The following GAK variants were observed in gnomAD, a reference collection of about 807,000 sequenced individuals.
The protein encoded by GAK is cyclin G associated kinase.
In GAK, 79 loss-of-function variants were observed where a neutral mutation model predicts 143.9. The ratio of observed to expected loss-of-function variants is 0.55; its 90% CI spans 0.46 to 0.66. GAK has a LOEUF of 0.66. Ranked by LOEUF, GAK falls within the 30% of genes least tolerant of loss-of-function variation. The pLI, the probability that GAK is intolerant of heterozygous loss-of-function variation, is 0.00. For synonymous variants in GAK, 881 were observed against 765.5 expected (o/e 1.15, Z -2.49); for missense variants, 1,693 against 1,779.7 (o/e 0.95, Z 0.88).
Position 859,616 on chromosome 4 carries a change from G to A in GAK, c.3273C>T (p.Ser1091=), listed in dbSNP as rs79742312. The A allele has an allele frequency of 8.7e-4, 1,388 of 1,596,978 alleles. 7 individuals are homozygous for A. The African/African-American group carries it at 0.015, about 17-fold the overall frequency. Residue 1091 remains serine, a synonymous_variant, in exon 24 of 28, where the codon TCC becomes TCT. Transcript: ENST00000314167. ...DPFADLGDLS[S]GLQGSPAGFP... ...TGCCCTCCACGTTACCTTGGAGGCC[G>A]GAGCTGAGGTCGCCAAGGTCAGCAA...
At chr4:918,489 T>C (rs1723400332) in intron 1 of GAK, among the ~76,000 whole-genome samples, 1 of 152,244 alleles carries the variant, frequency 6.6e-6, no homozygotes, top group South Asian at 2.1e-4. Context: ...AGATCCACTG[T>C]ACAACACGGT....
rs960634981 is a variant in GAK, at chr4:893,637, A to C, written c.878-148T>G. On this transcript the variant is annotated intron_variant, in intron 8 of 27. Transcript: ENST00000314167. ...GCAAGAAGGGAGCGGCAAAGGGAAG[A>C]ACAAAAACCGAACAAAATGATCAAA... is the stretch of plus-strand genomic sequence containing the variant. 14 of 732,076 alleles carry C rather than the reference A, an allele frequency of 1.9e-5. No individual in the cohort carries two copies. In the African/African-American group the frequency reaches 2.5e-4, roughly 13 times the overall value. The allele number at this position is 732,076 out of a possible 1,614,324, so 45.3% of individuals were successfully genotyped here. A position where few individuals can be genotyped will look rare whatever the true frequency, so the allele number is the denominator to read the frequency against.
At chr4:851,223 A>AGCTACTTGGG in intron 25 of GAK, 139 bp from the exon 26 acceptor site, 1 of 663,016 alleles carries the variant, frequency 1.5e-6, no homozygotes, top group Non-Finnish European at 2.5e-6. Flanking sequence ...TCAGCCTCCC[A>AGCTACTTGGG]AGTAGCTGGG....
In GAK at chr4:906,648, T is replaced by C. The variant is rs139330973; in HGVS notation, c.383-1869A>G. ...TGGCATCATCCCTGGGGCCTCTGCA[T>C]CTTGTGCCCCATCTTTTCAGCCCCG... On this transcript the variant is annotated intron_variant, in intron 4 of 27. Coordinates refer to ENST00000314167, the MANE Select transcript of GAK (RefSeq NM_005255.4). Among the ~76,000 whole-genome samples the C allele has an allele frequency of 3.3e-5, 5 of 152,232 alleles. No homozygotes were observed. The East Asian group carries it at 9.7e-4, about 29-fold the overall frequency.
At chr4:865,691 G>A (rs762973240) in intron 22 of GAK, among the ~76,000 whole-genome samples, 5 of 152,190 alleles carry the variant, frequency 3.3e-5, no homozygotes, top group Non-Finnish European at 7.4e-5. Context: ...GGCGGCACCC[G>A]CCCCAACGCT....
At position 894,078 on chromosome 4, in the gene GAK, A is replaced by C. The variant is rs964745668; in HGVS notation, c.742-69T>G. 3.5e-6 allele frequency: 5 copies of C among 1,441,122 alleles called. No individual in the cohort carries two copies. In the Admixed American group the frequency reaches 1.0e-4, roughly 30 times the overall value. The allele number at this position is 1,441,122 out of a possible 1,614,324, so 89.3% of individuals were successfully genotyped here. A position where few individuals can be genotyped will look rare whatever the true frequency, so the allele number is the denominator to read the frequency against. Reference sequence around the variant, plus strand: ...AGGGGTGACGCCTGGGCCTGCGGGGAGAGCAGGGGTGATGCCCAGGCCCAC... The same window carrying C: ...AGGGGTGACGCCTGGGCCTGCGGGGCGAGCAGGGGTGATGCCCAGGCCCAC... On this transcript the variant is annotated intron_variant, in intron 7 of 27. Transcript: ENST00000314167.
At chr4:907,876 C>T (rs573610223) in intron 4 of GAK, among the ~76,000 whole-genome samples, 45 of 152,274 alleles carry the variant, frequency 3.0e-4, no homozygotes, top group East Asian at 3.9e-4. Context: ...TGAGCTGGCG[C>T]GCGCATGCGT....
rs775341149 is a variant in GAK at position 867,374 on chromosome 4, G to A, written c.2454C>T (p.Ala818=). 6.3e-7 allele frequency: 1 copy of A among 1,585,188 alleles called. No individual in the cohort carries two copies. The highest frequency in any genetic ancestry group is 1.1e-5 in the South Asian group (1 of 87,450). Residue 818 remains alanine, a synonymous_variant, in exon 21 of 28, where the codon GCC becomes GCT. Coordinates refer to ENST00000314167, the MANE Select transcript of GAK (RefSeq NM_005255.4). ...CACTCTCGTCTCTGTCCTCCATCAGGGCAGACTCGCTCTCCTTGGAAGAGG... is the reference window on the plus strand; with the variant it reads ...CACTCTCGTCTCTGTCCTCCATCAGAGCAGACTCGCTCTCCTTGGAAGAGG... The part of the protein sequence containing the change: ...ENASSKESES[A]LMEDRDESEV...
At chr4:920,538 C>CTTTTTTTTTTTTTT (rs1560440258) in intron 1 of GAK, among the ~76,000 whole-genome samples, 3 of 73,812 alleles carry the variant, frequency 4.1e-5, no homozygotes, top group East Asian at 6.1e-4. Flanking sequence ...GGTTTAGAGC[C>CTTTTTTTTTTTTTT]ATTTTTTTTT....
intron 24 of GAK, among the ~76,000 whole-genome samples, chr4:856,562 G>A (rs1174270932): frequency 7.5e-6 from 1 of 133,658 alleles, no homozygotes; most frequent in Non-Finnish European, 1.6e-5. Context: ...CACCACCACA[G>A]CTGCTCACCA....
intron 18 of GAK, 139 bp from the exon 19 acceptor site, chr4:871,043 C>A (rs1489301645): frequency 2.7e-6 from 2 of 728,034 alleles, no homozygotes; most frequent in Non-Finnish European, 4.3e-6. Context: ...AGCCGGCCAC[C>A]CCCGCCTGCG....
intron 15 of GAK, 29 bp downstream of exon 15, chr4:881,878 T>C: frequency 1.3e-6 from 2 of 1,548,854 alleles, no homozygotes; most frequent in Non-Finnish European, 1.8e-6. Context: ...CACAGAGCTG[T>C]CCCCTGTCCC....
chr4:881,514 G>A (rs1715096794), intron 15 of GAK, among the ~76,000 whole-genome samples: 1 of 152,244 alleles, frequency 6.6e-6, no homozygotes, highest in Non-Finnish European at 1.5e-5. Flanking sequence ...GTATTTGGCA[G>A]GGCCCTAAAC....
At chr4:868,758 G>C (rs1711624441) in intron 19 of GAK, 73 bp from the exon 20 acceptor site, 2 of 1,475,466 alleles carry the variant, frequency 1.4e-6, no homozygotes, top group Admixed American at 4.3e-5. Context: ...CCCAGAGCTG[G>C]GAAGTGCAGC....
At chr4:849,843 C>CG in intron 27 of GAK, 49 bp downstream of exon 27, 2 of 1,266,332 alleles carry the variant, frequency 1.6e-6, no homozygotes, top group Non-Finnish European at 2.2e-6. Context: ...GACCCCCCCC[C>CG]CGCCCCGCCC....
At chr4:865,338 G>T in intron 22 of GAK, 94 bp from the exon 23 acceptor site, 1 of 1,517,700 alleles carries the variant, frequency 6.6e-7, no homozygotes, top group Non-Finnish European at 9.0e-7. Context: ...CCCTAGGAGC[G>T]GACACCTCTT....
chr4:882,175 A>G (rs541912845), intron 14 of GAK, 135 bp from the exon 15 acceptor site: 2 of 985,944 alleles, frequency 2.0e-6, no homozygotes, highest in Non-Finnish European at 2.9e-6. Flanking sequence ...GGATATGTTT[A>G]GGGAGCTACA....
chr4:908,260 G>A (rs1721430172), intron 4 of GAK, among the ~76,000 whole-genome samples: 1 of 152,176 alleles, frequency 6.6e-6, no homozygotes, highest in African/African-American at 2.4e-5. Flanking sequence ...CACACAGCAG[G>A]CAGGCTGCAG....
chr4:877,528 T>A, intron 16 of GAK, 87 bp downstream of exon 16: 1 of 1,374,288 alleles, frequency 7.3e-7, no homozygotes, highest in African/African-American at 1.4e-5. Flanking sequence ...CAAGCGCCTG[T>A]CCCCGGCAAG....
Sources: allele counts gnomAD v4.1 joint callset (sites outside exome capture counted in the v4.1 genomes callset), GRCh38; gene constraint gnomAD v4.1.1; transcripts MANE v1.5; gene names NCBI Gene and HGNC (gene_info 2026-07-23, HGNC 2026-07-21).